GALNT14: variants seen among roughly 807,000 people sequenced by gnomAD.
The protein encoded by GALNT14 is UDP-GalNAc:polypeptide N-acetylgalactosaminyltransferase 14.
A neutral mutation model predicts 77.5 loss-of-function variants in GALNT14; 60 were observed. The observed-to-expected ratio is 0.77, with a 90% CI of 0.63 to 0.96. The LOEUF is 0.96. Among genes scored for constraint, GALNT14 ranks in the 40% least tolerant of loss-of-function variants. GALNT14 has a pLI of 0.00. For synonymous variants in GALNT14, 280 were observed against 281.7 expected (o/e 0.99, Z 0.06); for missense variants, 710 against 731.0 (o/e 0.97, Z 0.33).
chr2:31,094,824 T>C (rs533722628), intron 1 of GALNT14, among the ~76,000 whole-genome samples: 1 of 152,310 alleles, frequency 6.6e-6, no homozygotes, highest in Non-Finnish European at 1.5e-5. Flanking sequence ...AACTGAGCTC[T>C]GGACCCATTG....
intron 2 of GALNT14, among the ~76,000 whole-genome samples, chr2:30,984,706 T>G (rs1221415079): frequency 6.6e-6 from 1 of 152,196 alleles, no homozygotes; most frequent in Admixed American, 6.5e-5. Context: ...GGTAAAATCC[T>G]ACGTGCCCCA....
At chr2:30,905,271 G>A in the GALNT14 span, among the ~76,000 whole-genome samples, 2 of 152,056 alleles carry the variant, frequency 1.3e-5, no homozygotes, top group Admixed American at 6.6e-5. Flanking sequence ...CTGAGCTACG[G>A]GAGGACATTC....
intron 1 of GALNT14, among the ~76,000 whole-genome samples, chr2:31,133,545 A>G (rs1455502837): frequency 6.6e-6 from 1 of 152,210 alleles, no homozygotes; most frequent in Admixed American, 6.5e-5. Flanking sequence ...AAGCCTTTAC[A>G]TTTCCAATAC....
At chr2:31,132,533 C>T (rs928452358) in intron 1 of GALNT14, 1 of 336,800 alleles carries the variant, frequency 3.0e-6, no homozygotes, top group Non-Finnish European at 5.9e-6. Context: ...GAGCATGCAT[C>T]TCATCATGGG....
chr2:30,940,339 G>GAAATTCA (rs1302628966), intron 9 of GALNT14, among the ~76,000 whole-genome samples: 2 of 152,196 alleles, frequency 1.3e-5, no homozygotes, highest in African/African-American at 2.4e-5. Context: ...TGCCATCCTT[G>GAAATTCA]AAATTCATGC....
At chr2:30,934,826 C>T (rs889727407) in intron 9 of GALNT14, among the ~76,000 whole-genome samples, 1 of 152,170 alleles carries the variant, frequency 6.6e-6, no homozygotes, top group South Asian at 2.1e-4. Flanking sequence ...TGAGGACTCA[C>T]CTCCATCCTA....
chr2:30,953,593 C>G (rs1306298748), intron 6 of GALNT14, among the ~76,000 whole-genome samples: 5 of 152,212 alleles, frequency 3.3e-5, no homozygotes, highest in African/African-American at 1.2e-4. Context: ...TAGGCATGCG[C>G]CACCGCACCC....
At chr2:31,087,695 G>A (rs540278147) in intron 1 of GALNT14, among the ~76,000 whole-genome samples, 2 of 152,320 alleles carry the variant, frequency 1.3e-5, no homozygotes, top group East Asian at 3.9e-4. Context: ...AGCCAACCGT[G>A]TGGAATGCTA....
intron 1 of GALNT14, among the ~76,000 whole-genome samples, chr2:31,123,211 T>C (rs1678511863): frequency 6.6e-6 from 1 of 150,894 alleles, no homozygotes; most frequent in South Asian, 2.1e-4. Context: ...ACTTTATTGA[T>C]GGACCATGGA....
At chr2:30,971,902 A>G (rs1364621707) in intron 2 of GALNT14, among the ~76,000 whole-genome samples, 1 of 152,190 alleles carries the variant, frequency 6.6e-6, no homozygotes, top group Non-Finnish European at 1.5e-5. Context: ...GCAGCAGCCT[A>G]TAACGGAGAG....
chr2:31,125,926 G>A (rs1332241983), intron 1 of GALNT14, among the ~76,000 whole-genome samples: 1 of 152,144 alleles, frequency 6.6e-6, no homozygotes, highest in Non-Finnish European at 1.5e-5. Context: ...ATTCCTCAGT[G>A]TCCTCTCTTT....
At chr2:31,102,300 C>T (rs1040003555) in intron 1 of GALNT14, among the ~76,000 whole-genome samples, 8 of 152,102 alleles carry the variant, frequency 5.3e-5, no homozygotes, top group Middle Eastern at 3.4e-3. Flanking sequence ...CATCAGTTTT[C>T]CTCTGAGTAC....
At chr2:31,028,422 G>T (rs1282755961) in intron 1 of GALNT14, among the ~76,000 whole-genome samples, 2 of 152,204 alleles carry the variant, frequency 1.3e-5, no homozygotes, top group Non-Finnish European at 2.9e-5. Flanking sequence ...ACTAGAAAGA[G>T]ACCCTAATTC....
chr2:30,890,310 G>A, the GALNT14 span, among the ~76,000 whole-genome samples: 2 of 152,200 alleles, frequency 1.3e-5, no homozygotes, highest in Non-Finnish European at 2.9e-5. Context: ...GACATACTGA[G>A]AAACGCGAAG....
intron 1 of GALNT14, among the ~76,000 whole-genome samples, chr2:31,124,061 C>A (rs114733367): frequency 4.1e-4 from 62 of 152,354 alleles, no homozygotes; most frequent in Non-Finnish European, 4.0e-4. Context: ...GCTTCCTACA[C>A]AGGGCTTCCC....
chr2:30,989,817 A>T (rs1490255224), intron 2 of GALNT14, among the ~76,000 whole-genome samples: 1 of 151,166 alleles, frequency 6.6e-6, no homozygotes, highest in Admixed American at 6.6e-5. Context: ...TGAGGTACAG[A>T]GAAGCTAGGC....
At chr2:31,125,134 G>T in intron 1 of GALNT14, 1 of 1,521,080 alleles carries the variant, frequency 6.6e-7, no homozygotes, top group South Asian at 1.2e-5. Flanking sequence ...CACACTCCTG[G>T]GGACACACAG....
chr2:30,970,173 C>G (rs1668261254), intron 2 of GALNT14, among the ~76,000 whole-genome samples: 3 of 152,114 alleles, frequency 2.0e-5, no homozygotes, highest in Admixed American at 2.0e-4. Context: ...GCTGGAAAGG[C>G]ATCTTTGCTG....
chr2:30,987,747 G>T, intron 2 of GALNT14, among the ~76,000 whole-genome samples: 1 of 54,668 alleles, frequency 1.8e-5, no homozygotes, highest in South Asian at 6.6e-4. Flanking sequence ...TCCCCCACCT[G>T]CTGCCTCCCA....
Sources: allele counts gnomAD v4.1 joint callset (sites outside exome capture counted in the v4.1 genomes callset), GRCh38; gene constraint gnomAD v4.1.1; transcripts MANE v1.5; gene names NCBI Gene and HGNC (gene_info 2026-07-23, HGNC 2026-07-21).